EZR: variants seen among roughly 807,000 people sequenced by gnomAD.
EZR encodes cytovillin 2.
A neutral mutation model predicts 74.8 loss-of-function variants in EZR; 40 were observed. That is an observed-to-expected ratio of 0.53 (90% confidence interval 0.42 to 0.70). The LOEUF is 0.70. Ranked by LOEUF, EZR falls within the 30% of genes least tolerant of loss-of-function variation. The pLI is 0.00. For missense variants in EZR, 678 were observed against 755.8 expected, an observed-to-expected ratio of 0.90 and a Z score of 1.21; for synonymous variants, 341 against 283.3, an observed-to-expected ratio of 1.20 and a Z score of -2.05.
chr6:158,785,318 A>G lies in EZR; in HGVS notation c.458T>C (p.Ile153Thr), dbSNP rs1290258289. 1.2e-6 allele frequency: 2 copies of G among 1,613,822 alleles called. No individual in the cohort carries two copies. Among genetic ancestry groups the G allele is most frequent in the East Asian group, 4.5e-5 (2 of 44,902 alleles). Residue 153 changes from isoleucine to threonine, a missense_variant, in exon 5 of 14, where the codon ATC (isoleucine) becomes ACC (threonine). By Grantham distance (89) the Ile-to-Thr change is moderately conservative. Coordinates refer to ENST00000367075, the MANE Select transcript of EZR (RefSeq NM_001111077.2). ...KSGYLSSERL[I>T]PQRVMDQHKL... ...GTCATCCTGTGCTCACCTTTGAGGG[A>G]TCAGCCGCTCAGAGCTGAGGTACCC...
At chr6:158,767,872 C>T (rs1157600668) in intron 12 of EZR, among the ~76,000 whole-genome samples, 2 of 152,120 alleles carry the variant, frequency 1.3e-5, no homozygotes, top group East Asian at 1.9e-4. Flanking sequence ...CTCTCCTGCT[C>T]GCCACTTGCA....
At chr6:158,795,774 G>T (rs570700064) in intron 2 of EZR, among the ~76,000 whole-genome samples, 11 of 152,226 alleles carry the variant, frequency 7.2e-5, no homozygotes, top group Non-Finnish European at 1.3e-4. Context: ...TCAAACACCC[G>T]CAGCCCAGGA....
intron 2 of EZR, among the ~76,000 whole-genome samples, chr6:158,798,805 T>C (rs1251887763): frequency 6.6e-6 from 1 of 151,912 alleles, no homozygotes; most frequent in East Asian, 1.9e-4. Flanking sequence ...ATTTTTCTAT[T>C]TTTTGTAGAG....
intron 2 of EZR, among the ~76,000 whole-genome samples, chr6:158,794,403 C>G (rs1417300310): frequency 6.6e-6 from 1 of 152,178 alleles, no homozygotes; most frequent in Non-Finnish European, 1.5e-5. Flanking sequence ...TGTTAGGTTT[C>G]CCTCATCAGC....
At chr6:158,787,471 T>C (rs907399322) in intron 3 of EZR, among the ~76,000 whole-genome samples, 1 of 152,214 alleles carries the variant, frequency 6.6e-6, no homozygotes, top group Non-Finnish European at 1.5e-5. Flanking sequence ...ATCTCACTCC[T>C]ACTCCTTTGT....
At chr6:158,786,819 T>A (rs1454959620) in intron 4 of EZR, among the ~76,000 whole-genome samples, 3 of 152,224 alleles carry the variant, frequency 2.0e-5, no homozygotes. Context: ...TGGTGGATGA[T>A]TCACAGTTTA....
intron 7 of EZR, among the ~76,000 whole-genome samples, chr6:158,776,822 C>T (rs1207832094): frequency 3.3e-5 from 5 of 152,154 alleles, no homozygotes; most frequent in Non-Finnish European, 7.3e-5. Context: ...TGACCCTCCC[C>T]CTCAGGTATC....
At position 158,769,959 on chromosome 6, in the gene EZR, A is replaced by G. The variant is rs2128564996; in HGVS notation, c.1091-15T>C. On this transcript the variant is annotated splice_polypyrimidine_tract_variant and intron_variant, in intron 10 of 13. Transcript: ENST00000367075. Reference sequence around the variant, plus strand: ...CTCCGAGAGCTCTGCAAAGACACAAAGCCAGAGCCATTCAAACCCTCAGCC... The same window carrying G: ...CTCCGAGAGCTCTGCAAAGACACAAGGCCAGAGCCATTCAAACCCTCAGCC... 6.2e-7 allele frequency: 1 copy of G among 1,607,058 alleles called. No homozygotes were observed. Among genetic ancestry groups the G allele is most frequent in the Non-Finnish European group, 8.5e-7 (1 of 1,179,732 alleles).
rs561585378 is a variant in EZR at position 158,816,976 on chromosome 6, T to C, written c.12+1106A>G. On this transcript the variant is annotated intron_variant, in intron 2 of 13. Coordinates refer to ENST00000367075, the MANE Select transcript of EZR (RefSeq NM_001111077.2). Reference sequence around the variant, plus strand: ...GGCACATGCCTGTAATCCCAACTACTCGGGAGGCTGAGGCAGGAGATTCGC... The same window carrying C: ...GGCACATGCCTGTAATCCCAACTACCCGGGAGGCTGAGGCAGGAGATTCGC... Among the ~76,000 whole-genome samples the C allele has an allele frequency of 6.6e-5, 10 of 152,124 alleles. No individual in the cohort carries two copies. The South Asian group carries it at 2.1e-3, about 32-fold the overall frequency.
intron 8 of EZR, among the ~76,000 whole-genome samples, chr6:158,772,517 G>C (rs1019188081): frequency 1.1e-4 from 17 of 152,236 alleles, no homozygotes; most frequent in Admixed American, 7.8e-4. Context: ...CCAATTGCTA[G>C]TGCCTTGCAA....
intron 1 of EZR, 106 bp from the exon 2 acceptor site, chr6:158,818,272 G>T: frequency 2.0e-6 from 1 of 490,696 alleles, no homozygotes; most frequent in South Asian, 3.5e-5. Flanking sequence ...GAACCGGCCA[G>T]CCCGGGCCCG....
chr6:158,810,936 G>A (rs1777439567), intron 2 of EZR, among the ~76,000 whole-genome samples: 1 of 152,122 alleles, frequency 6.6e-6, no homozygotes, highest in Admixed American at 6.5e-5. Context: ...GTTCACAGAT[G>A]CTAAATGGCT....
intron 10 of EZR, 73 bp downstream of exon 10, chr6:158,770,691 G>A (rs2128565921): frequency 6.4e-7 from 1 of 1,563,724 alleles, no homozygotes; most frequent in South Asian, 1.1e-5. Context: ...GTGAGTGGGT[G>A]GGTGGGTGTG....
chr6:158,801,190 C>A (rs1191240503), intron 2 of EZR, among the ~76,000 whole-genome samples: 1 of 152,196 alleles, frequency 6.6e-6, no homozygotes, highest in Non-Finnish European at 1.5e-5. Context: ...TCTCGGCTCA[C>A]TGTAGCCTCC....
chr6:158,775,231 A>C (rs963714070), intron 8 of EZR, among the ~76,000 whole-genome samples: 3 of 151,852 alleles, frequency 2.0e-5, no homozygotes, highest in Admixed American at 1.3e-4. Flanking sequence ...TGGGGTTTTC[A>C]CTGTGTTGGC....
At chr6:158,818,364 G>T (rs1445131216) in intron 1 of EZR, 198 bp from the exon 2 acceptor site, 4 of 199,998 alleles carry the variant, frequency 2.0e-5, no homozygotes, top group Non-Finnish European at 4.0e-5. Context: ...CCCCGGCGAG[G>T]AGGCGCCCGA....
chr6:158,800,728 G>T (rs1341422021), intron 2 of EZR, among the ~76,000 whole-genome samples: 1 of 152,154 alleles, frequency 6.6e-6, no homozygotes, highest in Non-Finnish European at 1.5e-5. Flanking sequence ...CTTGAACCTG[G>T]GAGGTGGAGG....
At chr6:158,789,809 G>A (rs1054381115) in intron 2 of EZR, among the ~76,000 whole-genome samples, 4 of 152,158 alleles carry the variant, frequency 2.6e-5, no homozygotes, top group Admixed American at 6.5e-5. Context: ...TTGTAGAGAC[G>A]GGGTCTCACT....
intron 2 of EZR, among the ~76,000 whole-genome samples, chr6:158,814,293 C>G (rs3123136): frequency 0.11 from 17,043 of 152,154 alleles, 987 homozygotes; most frequent in Middle Eastern, 0.15. Context: ...CCCCCCAGCC[C>G]TCAAGCAAGA....
Sources: allele counts gnomAD v4.1 joint callset (sites outside exome capture counted in the v4.1 genomes callset), GRCh38; gene constraint gnomAD v4.1.1; transcripts MANE v1.5; gene names NCBI Gene and HGNC (gene_info 2026-07-23, HGNC 2026-07-21).